The following ARID1A variants were observed in gnomAD, a reference collection of about 807,000 sequenced individuals.
ARID1A encodes AT-rich interaction domain 1A.
Under a neutral mutation model 212.6 loss-of-function variants are expected in ARID1A, and 20 were observed. The ratio of observed to expected loss-of-function variants is 0.09; its 90% CI spans 0.07 to 0.14. The LOEUF is 0.14. ARID1A is among the 10% of genes least tolerant of loss of function. The probability of loss-of-function intolerance (pLI) is 1.00; values close to 1 mark genes in which losing one functional copy is unlikely to be tolerated. For synonymous variants in ARID1A, 1,376 were observed against 1,222.1 expected, an observed-to-expected ratio of 1.13 and a Z score of -2.63; for missense variants, 2,587 against 3,059.0, an observed-to-expected ratio of 0.85 and a Z score of 3.64.
intron 19 of ARID1A, 184 bp downstream of exon 19, chr1:26,775,891 G>A: frequency 1.2e-6 from 1 of 856,010 alleles, no homozygotes; most frequent in Non-Finnish European, 1.9e-6. Flanking sequence ...ATAATAATTT[G>A]TTTACATGAT....
chr1:26,726,573 A>G (rs2080621565), intron 1 of ARID1A, among the ~76,000 whole-genome samples: 1 of 152,134 alleles, frequency 6.6e-6, no homozygotes, highest in African/African-American at 2.4e-5. Context: ...TCAAAGTCAT[A>G]ACCCCTGTGT....
intron 1 of ARID1A, among the ~76,000 whole-genome samples, chr1:26,707,499 G>A (rs547424037): frequency 8.6e-5 from 13 of 152,006 alleles, no homozygotes; most frequent in Admixed American, 5.9e-4. Context: ...AAGCCACCAC[G>A]CCCGGCCTAA....
intron 4 of ARID1A, among the ~76,000 whole-genome samples, chr1:26,744,242 CCTGTGCTGCTTGCAG>C (rs1291224341): frequency 1.3e-5 from 2 of 152,234 alleles, no homozygotes; most frequent in Non-Finnish European, 2.9e-5. Flanking sequence ...ACTGCCTGAG[CCTGTGCTGCTTGCAG>C]CAGATTACTG....
chr1:26,750,513 T>A (rs1198227473), intron 4 of ARID1A, among the ~76,000 whole-genome samples: 17 of 151,820 alleles, frequency 1.1e-4, no homozygotes, highest in Admixed American at 1.1e-3. Context: ...GCTTGGAGAG[T>A]GGGGTCCCTA....
intron 1 of ARID1A, among the ~76,000 whole-genome samples, chr1:26,717,945 G>A (rs1262485621): frequency 6.6e-6 from 1 of 152,026 alleles, no homozygotes; most frequent in African/African-American, 2.4e-5. Flanking sequence ...TTGAGGAACA[G>A]TTTTTTTGTT....
chr1:26,760,927 A>T lies in ARID1A; in HGVS notation c.1992A>T (p.Ser664=). The change falls in exon 5 of 20, where the codon TCA becomes TCT. Residue 664 remains serine, a synonymous_variant. Coordinates refer to ENST00000324856, the MANE Select transcript of ARID1A (RefSeq NM_006015.6). ...EGALSPGVST[S]GISSSQGEQS... The stretch of plus-strand genomic sequence containing the variant: ...CTCTGAGTCCTGGAGTGAGCACATC[A>T]GGGATTTCCAGCAGCCAAGGAGAGC... The T allele has an allele frequency of 6.2e-7, 1 of 1,614,126 alleles. No individual in the cohort carries two copies. The highest frequency in any genetic ancestry group is 8.5e-7 in the Non-Finnish European group (1 of 1,180,024).
chr1:26,738,996 T>C (rs935888577), intron 4 of ARID1A, among the ~76,000 whole-genome samples: 1 of 151,190 alleles, frequency 6.6e-6, no homozygotes, highest in African/African-American at 2.4e-5. Context: ...CAAGCAATTC[T>C]CTGCCTCAGC....
intron 4 of ARID1A, among the ~76,000 whole-genome samples, chr1:26,759,374 T>G (rs1229474223): frequency 1.3e-5 from 2 of 151,788 alleles, no homozygotes; most frequent in Non-Finnish European, 2.9e-5. Flanking sequence ...GGCTTATTTT[T>G]GGGGGTATTT....
At chr1:26,766,052 A>G (rs2081036846) in intron 8 of ARID1A, among the ~76,000 whole-genome samples, 169 bp from the exon 9 acceptor site, 1 of 152,114 alleles carries the variant, frequency 6.6e-6, no homozygotes. Context: ...AAGAAAATAA[A>G]TTAAAGAAAA....
Position 26,781,180 on chromosome 1 carries a change from C to G in ARID1A, c.*424C>G, listed in dbSNP as rs201576837. On this transcript the variant is annotated 3_prime_UTR_variant, in exon 20 of 20. Coordinates refer to ENST00000324856, the MANE Select transcript of ARID1A (RefSeq NM_006015.6). The stretch of plus-strand genomic sequence containing the variant: ...ATGGTAAAAAAAAAAAAAAAAAATA[C>G]AAAAAAAAATTCTGAAGGACAAAAA... 52 of 222,140 alleles carry G rather than the reference C, an allele frequency of 2.3e-4. No homozygotes were observed. The highest frequency in any genetic ancestry group is 4.2e-4 in the Non-Finnish European group (48 of 115,016). The allele number at this position is 222,140 out of a possible 1,614,324, so 13.8% of individuals were successfully genotyped here.
intron 4 of ARID1A, among the ~76,000 whole-genome samples, chr1:26,747,576 C>T (rs769004656): frequency 7.9e-5 from 12 of 151,864 alleles, no homozygotes; most frequent in Non-Finnish European, 1.2e-4. Context: ...GGTGTGGTGG[C>T]TTACACCTGT....
intron 4 of ARID1A, among the ~76,000 whole-genome samples, chr1:26,748,860 A>G (rs1425978552): frequency 6.6e-6 from 1 of 150,710 alleles, no homozygotes; most frequent in Non-Finnish European, 1.5e-5. Context: ...CTTTTTTTTT[A>G]TTTTTATTTT....
Position 26,774,123 on chromosome 1 carries a change from A to G in ARID1A, c.4102-206A>G, listed in dbSNP as rs1570615585. On this transcript the variant is annotated intron_variant, in intron 17 of 19. Transcript: ENST00000324856. The surrounding 1 kb of genome is among the most constrained non-coding windows in gnomAD (Gnocchi z 5.6). ...CCTTATTTTGATTTTTAGGTTTTGTATATTTTTCTACTTAAGCAAGGGAAG... is the reference window on the plus strand; with the variant it reads ...CCTTATTTTGATTTTTAGGTTTTGTGTATTTTTCTACTTAAGCAAGGGAAG... 3 of 1,164,564 alleles carry G rather than the reference A, an allele frequency of 2.6e-6. No individual in the cohort carries two copies. The East Asian group carries it at 8.0e-5, about 31-fold the overall frequency. 72.1% of individuals were successfully genotyped at this position (1,164,564 alleles called of 1,614,324 possible).
At position 26,779,841 on chromosome 1, in the gene ARID1A, C is replaced by T. The variant is rs777727835; in HGVS notation, c.5943C>T (p.Cys1981=). ...LDWQDSLAKR[C]VCVSNTIRSL... ...GGCAGGATTCTCTTGCCAAGCGCTG[C>T]GTCTGTGTGTCCAATACCATTCGAA... The change falls in exon 20 of 20, where the codon TGC becomes TGT. Residue 1981 remains cysteine, a synonymous_variant. Transcript: ENST00000324856. 8 of 1,614,128 alleles carry T rather than the reference C, an allele frequency of 5.0e-6. No individual in the cohort carries two copies. The highest frequency in any genetic ancestry group is 2.2e-5 in the East Asian group (1 of 44,888).
intron 4 of ARID1A, among the ~76,000 whole-genome samples, chr1:26,741,071 C>T (rs1401083884): frequency 1.3e-5 from 2 of 152,094 alleles, no homozygotes; most frequent in East Asian, 1.9e-4. Flanking sequence ...TACAAGTTTG[C>T]GAGTTACCTG....
At chr1:26,759,971 C>T (rs925669584) in intron 4 of ARID1A, among the ~76,000 whole-genome samples, 1 of 152,134 alleles carries the variant, frequency 6.6e-6, no homozygotes, top group Admixed American at 6.5e-5. Flanking sequence ...GGAGTGAGTC[C>T]TTGGCAAATG....
In ARID1A at chr1:26,696,309, G is replaced by A. The variant is rs1233854329; in HGVS notation, c.-95G>A. 6.7e-6 allele frequency: 8 copies of A among 1,190,144 alleles called. No individual in the cohort carries two copies. The Admixed American group carries it at 1.4e-4, about 20-fold the overall frequency. The allele number at this position is 1,190,144 out of a possible 1,614,324, so 73.7% of individuals were successfully genotyped here. ...CGAGGCCCGCCCGGGCGGGTGGGGAGGGCAGCCCGGGGGACTGGGCCCCGG... is the reference window on the plus strand; with the variant it reads ...CGAGGCCCGCCCGGGCGGGTGGGGAAGGCAGCCCGGGGGACTGGGCCCCGG... On this transcript the variant is annotated 5_prime_UTR_variant, in exon 1 of 20. Coordinates refer to ENST00000324856, the MANE Select transcript of ARID1A (RefSeq NM_006015.6).
At position 26,773,793 on chromosome 1, in the gene ARID1A, C is replaced by G. The variant is rs1458168167; in HGVS notation, c.4005-9C>G. The stretch of plus-strand genomic sequence containing the variant: ...CCACCCTAATCCTGTGTTTCTTTGC[C>G]TCCTATAGACATGATTCCTATGGCA... On this transcript the variant is annotated splice_polypyrimidine_tract_variant and intron_variant, in intron 16 of 19. Transcript: ENST00000324856. 6.2e-7 allele frequency: 1 copy of G among 1,614,202 alleles called. No homozygotes were observed.
chr1:26,726,999 C>CA (rs2080625582), intron 1 of ARID1A, among the ~76,000 whole-genome samples: 1 of 152,178 alleles, frequency 6.6e-6, no homozygotes. Flanking sequence ...TAGAGCTGGG[C>CA]ATGTACAGTA....
Sources: allele counts gnomAD v4.1 joint callset (sites outside exome capture counted in the v4.1 genomes callset), GRCh38; gene constraint gnomAD v4.1.1; non-coding constraint Gnocchi (gnomAD v3.1); transcripts MANE v1.5; gene names NCBI Gene and HGNC (gene_info 2026-07-23, HGNC 2026-07-21).